SRGAP1: variants seen among roughly 807,000 people sequenced by gnomAD.
SRGAP1 encodes SLIT-ROBO Rho GTPase activating protein 1, also known as SLIT-ROBO Rho GTPase-activating protein 1.
A neutral mutation model predicts 121.9 loss-of-function variants in SRGAP1; 43 were observed. The ratio of observed to expected loss-of-function variants is 0.35; its 90% CI spans 0.28 to 0.46. The LOEUF (loss-of-function observed/expected upper bound fraction) is 0.46. Ranked by LOEUF, SRGAP1 falls within the 20% of genes least tolerant of loss-of-function variation. The probability of loss-of-function intolerance (pLI) is 1.00; values close to 1 mark genes in which losing one functional copy is unlikely to be tolerated. For synonymous variants in SRGAP1, 447 were observed against 485.4 expected, an observed-to-expected ratio of 0.92 and a Z score of 1.04; for missense variants, 1,102 against 1,350.9, an observed-to-expected ratio of 0.82 and a Z score of 2.89.
intron 4 of SRGAP1, chr12:64,032,378 A>AT (rs1202010796): frequency 3.9e-5 from 18 of 463,756 alleles, no homozygotes; most frequent in Admixed American, 1.4e-4. Flanking sequence ...AGATACTTTC[A>AT]TTTTTTTACA....
intron 4 of SRGAP1, among the ~76,000 whole-genome samples, chr12:64,021,273 C>A (rs2034543488): frequency 6.6e-6 from 1 of 152,222 alleles, no homozygotes; most frequent in Non-Finnish European, 1.5e-5. Flanking sequence ...AGTATTTTCA[C>A]TAGTCAGGTC....
intron 8 of SRGAP1, among the ~76,000 whole-genome samples, chr12:64,069,024 G>A (rs554005973): frequency 5.9e-4 from 83 of 139,786 alleles, no homozygotes; most frequent in Non-Finnish European, 1.2e-3. Context: ...AAAAAAAAAT[G>A]TGTGTATATA....
At chr12:63,955,678 T>C (rs188119353) in intron 1 of SRGAP1, among the ~76,000 whole-genome samples, 237 of 150,968 alleles carry the variant, frequency 1.6e-3, no homozygotes, top group Non-Finnish European at 3.0e-3. Context: ...TTGACTAATA[T>C]GATGTTCATA....
rs1384454138 is a variant in SRGAP1, at chr12:64,147,882, T to TC, written c.*5212dup. On this transcript the variant is annotated 3_prime_UTR_variant, in exon 22 of 22. Transcript: ENST00000355086. ...ATGTGCATCTCTGTGGTGTCTTTGT[T>TC]CCTTTCCTTTCATTCATCACTACTT... The TC allele has an allele frequency of 1.5e-5, 6 of 391,086 alleles. No homozygotes were observed. The highest frequency in any genetic ancestry group is 2.7e-5 in the Non-Finnish European group (6 of 221,892). The allele number at this position is 391,086 out of a possible 1,614,324, so 24.2% of individuals were successfully genotyped here.
In SRGAP1 at chr12:64,045,720, G is replaced by A. The variant is rs544471681; in HGVS notation, c.801+2145G>A. Among the ~76,000 whole-genome samples, 9 of 152,044 alleles carry A rather than the reference G, an allele frequency of 5.9e-5. No individual in the cohort carries two copies. The East Asian group carries it at 7.7e-4, about 13-fold the overall frequency. On this transcript the variant is annotated intron_variant, in intron 6 of 21. Transcript: ENST00000355086. ...AAGTGCTGGGATTACAGGTGTGAAC[G>A]TGCCACCGTGCCCAGCCCATCCAAA...
intron 8 of SRGAP1, among the ~76,000 whole-genome samples, chr12:64,065,923 A>T (rs1311463574): frequency 1.3e-5 from 2 of 152,238 alleles, no homozygotes; most frequent in Non-Finnish European, 2.9e-5. Context: ...ATAAAATATG[A>T]TTTATCAATA....
chr12:64,007,467 C>A (rs532821796), intron 3 of SRGAP1, among the ~76,000 whole-genome samples: 1 of 152,044 alleles, frequency 6.6e-6, no homozygotes, highest in African/African-American at 2.4e-5. Context: ...TGGTGGCTCA[C>A]CCACCGCTCA....
chr12:64,061,179 TGAA>T (rs1184083414), intron 6 of SRGAP1, among the ~76,000 whole-genome samples: 2 of 152,182 alleles, frequency 1.3e-5, no homozygotes, highest in Non-Finnish European at 2.9e-5. Flanking sequence ...TTAAAGATAA[TGAA>T]GATTCAAGAA....
chr12:63,940,986 CTTCTGGGTGTTCTCTAGA>C (rs1232294165), intron 1 of SRGAP1, among the ~76,000 whole-genome samples: 1 of 152,124 alleles, frequency 6.6e-6, no homozygotes, highest in Non-Finnish European at 1.5e-5. Context: ...GGGATTGTTT[CTTCTGGGTGTTCTCTAGA>C]GACCGAGTGT....
At chr12:63,939,281 C>T (rs919891473) in intron 1 of SRGAP1, among the ~76,000 whole-genome samples, 13 of 152,054 alleles carry the variant, frequency 8.5e-5, no homozygotes, top group African/African-American at 2.7e-4. Flanking sequence ...AGACTCTTAA[C>T]GGGAGGATGT....
intron 15 of SRGAP1, 47 bp from the exon 16 acceptor site, chr12:64,108,885 A>G: frequency 7.0e-7 from 1 of 1,422,770 alleles, no homozygotes; most frequent in Non-Finnish European, 9.8e-7. Flanking sequence ...TTCTGTTTTA[A>G]ATGTGGCAAG....
Position 64,094,955 on chromosome 12 carries a change from C to T in SRGAP1, c.1563C>T (p.Leu521=), listed in dbSNP as rs747002530. 6.2e-6 allele frequency: 10 copies of T among 1,614,016 alleles called. No homozygotes were observed. The highest frequency in any genetic ancestry group is 1.6e-4 in the Middle Eastern group (1 of 6,080). Residue 521 remains leucine, a synonymous_variant, in exon 13 of 22, where the codon CTC becomes CTT. Coordinates refer to ENST00000355086, the MANE Select transcript of SRGAP1 (RefSeq NM_020762.4). ...FVKDSGQVIP[L]IVESCIRFIN... The stretch of plus-strand genomic sequence containing the variant: ...AGGACTCAGGACAGGTTATTCCCCT[C>T]ATTGTGGAAAGCTGTATTCGGTTCA...
intron 8 of SRGAP1, among the ~76,000 whole-genome samples, chr12:64,069,706 A>G (rs1011564166): frequency 2.6e-5 from 4 of 152,172 alleles, no homozygotes; most frequent in African/African-American, 9.7e-5. Flanking sequence ...TCTGTCATCC[A>G]GGCTGGAGTG....
chr12:64,125,942 C>T lies in SRGAP1; in HGVS notation c.2225-35C>T. On this transcript the variant is annotated intron_variant, in intron 18 of 21. Coordinates refer to ENST00000355086, the MANE Select transcript of SRGAP1 (RefSeq NM_020762.4). ...AGGATACCATGCCTTCCTAACAACC[C>T]TGTTTCTCGCTGTTTTCTGGTGTGT... 1.9e-6 allele frequency: 3 copies of T among 1,602,550 alleles called. No homozygotes were observed. The South Asian group carries it at 3.4e-5, about 18-fold the overall frequency.
At chr12:64,006,097 A>C (rs963991590) in intron 3 of SRGAP1, among the ~76,000 whole-genome samples, 4 of 152,180 alleles carry the variant, frequency 2.6e-5, no homozygotes, top group African/African-American at 9.7e-5. Flanking sequence ...CAAAGGATTG[A>C]GTAAAGCATT....
intron 3 of SRGAP1, among the ~76,000 whole-genome samples, chr12:64,000,569 C>T (rs1211817372): frequency 6.6e-6 from 1 of 152,146 alleles, no homozygotes. Context: ...GCAATGAATA[C>T]ACCACTGCAG....
At chr12:63,861,220 C>T (rs908505203) in intron 1 of SRGAP1, among the ~76,000 whole-genome samples, 1 of 147,550 alleles carries the variant, frequency 6.8e-6, no homozygotes, top group South Asian at 2.1e-4. Context: ...ACTATGTTAC[C>T]AAGGCTGGTC....
chr12:64,004,247 G>A (rs138604277), intron 3 of SRGAP1, among the ~76,000 whole-genome samples: 159 of 152,258 alleles, frequency 1.0e-3, no homozygotes, highest in African/African-American at 3.5e-3. Context: ...CAGAAGGCAC[G>A]CAGTCCCTCA....
At chr12:63,927,398 A>G (rs2031299935) in intron 1 of SRGAP1, among the ~76,000 whole-genome samples, 1 of 152,154 alleles carries the variant, frequency 6.6e-6, no homozygotes, top group Admixed American at 6.5e-5. Context: ...GCTGATTGCT[A>G]CGCTTATCCT....
Sources: gnomAD v4.1 joint callset for allele counts (sites outside exome capture counted in the v4.1 genomes callset) on GRCh38, gnomAD v4.1.1 for gene constraint, MANE v1.5 for transcripts, NCBI Gene and HGNC (gene_info 2026-07-23, HGNC 2026-07-21) for gene names.